The following MTHFD2L variants were observed in gnomAD, a reference collection of about 807,000 sequenced individuals.
MTHFD2L encodes bifunctional methylenetetrahydrofolate dehydrogenase/cyclohydrolase 2, mitochondrial.
A neutral mutation model predicts 34.9 loss-of-function variants in MTHFD2L; 29 were observed. That is an observed-to-expected ratio of 0.83 (90% CI 0.62 to 1.13). The LOEUF (loss-of-function observed/expected upper bound fraction) is 1.13, where lower values mean the gene tolerates loss of function less well. Among genes scored for constraint, MTHFD2L ranks in the 50% most tolerant of loss-of-function variants. MTHFD2L has a pLI of 0.00. For synonymous variants in MTHFD2L, 167 were observed against 155.7 expected (o/e 1.07, Z -0.54); for missense variants, 481 against 446.5 (o/e 1.08, Z -0.70).
chr4:74,192,176 A>G (rs1423315987), intron 3 of MTHFD2L, among the ~76,000 whole-genome samples: 1 of 152,146 alleles, frequency 6.6e-6, no homozygotes, highest in East Asian at 1.9e-4. Context: ...TTGATATGCT[A>G]TCGGAAAAAG....
At chr4:74,266,755 A>T (rs957186929) in intron 6 of MTHFD2L, 3 of 630,750 alleles carry the variant, frequency 4.8e-6, no homozygotes, top group Non-Finnish European at 4.0e-6. Flanking sequence ...TCTCCTGTCT[A>T]TCACTTTTCT....
At chr4:74,187,733 TACACAC>T (rs35175417) in intron 3 of MTHFD2L, among the ~76,000 whole-genome samples, 12,030 of 133,938 alleles carry the variant, frequency 0.09, 937 homozygotes, top group African/African-American at 0.22. Context: ...AAACGTTAAA[TACACAC>T]ACACACACAC....
intron 6 of MTHFD2L, chr4:74,267,731 G>T: frequency 5.1e-6 from 5 of 985,368 alleles, no homozygotes; most frequent in Non-Finnish European, 6.0e-6. Context: ...AGAGAATAAG[G>T]TTTGATTGAT....
intron 5 of MTHFD2L, among the ~76,000 whole-genome samples, chr4:74,224,753 T>G (rs1189738747): frequency 5.3e-5 from 8 of 152,168 alleles, no homozygotes. Flanking sequence ...AGTTTTTTCC[T>G]GCTATTCTTT....
intron 1 of MTHFD2L, among the ~76,000 whole-genome samples, chr4:74,159,867 A>G (rs1248928950): frequency 6.6e-6 from 1 of 152,128 alleles, no homozygotes; most frequent in Admixed American, 6.5e-5. Context: ...GATAGTTTTT[A>G]TTTTTTAAAG....
intron 1 of MTHFD2L, among the ~76,000 whole-genome samples, chr4:74,163,961 T>G (rs1034410951): frequency 6.6e-6 from 1 of 152,188 alleles, no homozygotes; most frequent in African/African-American, 2.4e-5. Flanking sequence ...CTGCAAACTC[T>G]GCCTCCCGGG....
intron 6 of MTHFD2L, among the ~76,000 whole-genome samples, chr4:74,272,086 G>A (rs1262893894): frequency 6.6e-6 from 1 of 152,166 alleles, no homozygotes; most frequent in African/African-American, 2.4e-5. Flanking sequence ...GCTTGATTTG[G>A]ATACAAAGGT....
chr4:74,129,272 C>A (rs1044349505), intron 1 of MTHFD2L, among the ~76,000 whole-genome samples: 1 of 152,054 alleles, frequency 6.6e-6, no homozygotes, highest in Non-Finnish European at 1.5e-5. Flanking sequence ...ACTCTCCACC[C>A]AAAATCAACA....
In MTHFD2L at chr4:74,179,026, G is replaced by C. The variant is rs567215476; in HGVS notation, c.451+3623G>C. 2.0e-5 allele frequency among the ~76,000 whole-genome samples: 3 copies of C among 152,054 alleles called. No homozygotes were observed. The South Asian group carries it at 6.2e-4, about 32-fold the overall frequency. ...TATGTGGCAGGCACTCCCTTACCTG[G>C]ATTATTTTATTGAATCCTACAAACA... On this transcript the variant is annotated intron_variant, in intron 3 of 7. Coordinates refer to ENST00000325278, the MANE Select transcript of MTHFD2L (RefSeq NM_001144978.3).
intron 1 of MTHFD2L, 65 bp from the exon 2 acceptor site, chr4:74,174,441 C>T (rs1728627592): frequency 8.2e-7 from 1 of 1,225,128 alleles, no homozygotes; most frequent in South Asian, 3.2e-5. Flanking sequence ...AGTTTTGTAC[C>T]TTAAATTTGT....
chr4:74,226,190 CA>C (rs35075391), intron 6 of MTHFD2L, among the ~76,000 whole-genome samples: 65,195 of 148,742 alleles, frequency 0.44, 17,042 homozygotes, highest in Non-Finnish European at 0.59. Flanking sequence ...TTTTGGTTGA[CA>C]AAAAAAAAAT....
chr4:74,199,197 T>C (rs1578438167), intron 3 of MTHFD2L, among the ~76,000 whole-genome samples: 1 of 152,292 alleles, frequency 6.6e-6, no homozygotes, highest in South Asian at 2.1e-4. Context: ...ACTCAGGTTG[T>C]GTTCTTTTTC....
At chr4:74,140,493 A>T (rs920972358) in intron 1 of MTHFD2L, 1 of 821,932 alleles carries the variant, frequency 1.2e-6, no homozygotes, top group African/African-American at 1.9e-5. Flanking sequence ...AATTATTTTA[A>T]TTTTCTCAAT....
intron 2 of MTHFD2L, among the ~76,000 whole-genome samples, chr4:74,115,064 A>G (rs1211832433): frequency 6.6e-6 from 1 of 152,200 alleles, no homozygotes; most frequent in Admixed American, 6.5e-5. Context: ...GTTTTATTAA[A>G]ATGCCATTTC....
At chr4:74,137,103 A>C (rs1038623505) in intron 1 of MTHFD2L, among the ~76,000 whole-genome samples, 1 of 152,234 alleles carries the variant, frequency 6.6e-6, no homozygotes, top group African/African-American at 2.4e-5. Flanking sequence ...AACCAAAGCA[A>C]AAATAGACAA....
At chr4:74,171,697 G>C (rs1728030006) in intron 1 of MTHFD2L, among the ~76,000 whole-genome samples, 1 of 152,104 alleles carries the variant, frequency 6.6e-6, no homozygotes, top group Non-Finnish European at 1.5e-5. Context: ...CAGCTACTCT[G>C]GAGGCTGAGG....
Position 74,281,452 on chromosome 4 carries a change from T to C in MTHFD2L, c.833T>C (p.Met278Thr), listed in dbSNP as rs780926024. ...AGIPKLITSD[M>T]VKEGAAVIDV... ...ATTCCAAAGTTGATTACGTCTGATA[T>C]GGTTAAAGAAGGTGCTGCTGTAATT... Residue 278 changes from methionine to threonine, a missense_variant, in exon 7 of 8, where the codon ATG becomes ACG. Physicochemically the swap from Met to Thr is moderately conservative, Grantham distance 81. Coordinates refer to ENST00000325278, the MANE Select transcript of MTHFD2L (RefSeq NM_001144978.3). 4 of 1,612,666 alleles carry C rather than the reference T, an allele frequency of 2.5e-6. No individual in the cohort carries two copies. Among genetic ancestry groups the C allele is most frequent in the Non-Finnish European group, 3.4e-6 (4 of 1,179,168 alleles).
At chr4:74,184,952 G>A (rs554903196) in intron 3 of MTHFD2L, among the ~76,000 whole-genome samples, 18 of 151,558 alleles carry the variant, frequency 1.2e-4, no homozygotes, top group South Asian at 2.1e-4. Context: ...GATCGAGACC[G>A]TCCTGGCTAA....
chr4:74,284,889 A>T (rs1747961846), intron 7 of MTHFD2L, among the ~76,000 whole-genome samples: 1 of 152,096 alleles, frequency 6.6e-6, no homozygotes, highest in Non-Finnish European at 1.5e-5. Flanking sequence ...ACACATGCAC[A>T]CGTATGTTTA....
Sources: allele counts gnomAD v4.1 joint callset (sites outside exome capture counted in the v4.1 genomes callset), GRCh38; gene constraint gnomAD v4.1.1; transcripts MANE v1.5; gene names NCBI Gene and HGNC (gene_info 2026-07-23, HGNC 2026-07-21).